SNX30: variants seen among roughly 807,000 people sequenced by gnomAD.
The protein encoded by SNX30 is sorting nexin-30.
Under a neutral mutation model 46.4 loss-of-function variants are expected in SNX30, and 24 were observed. The observed-to-expected ratio is 0.52, with a 90% CI of 0.37 to 0.73. The LOEUF (loss-of-function observed/expected upper bound fraction) is 0.73, where lower values mean the gene tolerates loss of function less well. Ranked by LOEUF, SNX30 falls within the 30% of genes least tolerant of loss-of-function variation. The pLI, the probability that SNX30 is intolerant of heterozygous loss-of-function variation, is 0.00. For missense variants in SNX30, 533 were observed against 555.7 expected (o/e 0.96, Z 0.41); for synonymous variants, 189 against 211.5 (o/e 0.89, Z 0.92).
chr9:112,782,194 G>A (rs1177715400), intron 1 of SNX30, among the ~76,000 whole-genome samples: 1 of 151,984 alleles, frequency 6.6e-6, no homozygotes, highest in Non-Finnish European at 1.5e-5. Flanking sequence ...AGCCTCCCGA[G>A]TAGCTGGAGT....
chr9:112,858,095 T>C (rs11794827), intron 7 of SNX30, among the ~76,000 whole-genome samples: 4,802 of 152,308 alleles, frequency 0.032, 104 homozygotes, highest in East Asian at 0.088. Flanking sequence ...TCTGGTGATA[T>C]TTTTCCTTGG....
intron 1 of SNX30, among the ~76,000 whole-genome samples, chr9:112,794,043 A>AT (rs1840068434): frequency 6.6e-6 from 1 of 152,104 alleles, no homozygotes; most frequent in South Asian, 2.1e-4. Flanking sequence ...TGAACAGAAC[A>AT]TTTTTGAGAT....
At chr9:112,814,730 A>G (rs930359779) in intron 2 of SNX30, among the ~76,000 whole-genome samples, 10 of 152,236 alleles carry the variant, frequency 6.6e-5, no homozygotes, top group Admixed American at 6.5e-4. Context: ...CGTGGTAAGA[A>G]TATAAATTGC....
At chr9:112,856,324 T>G (rs1588140159) in intron 7 of SNX30, among the ~76,000 whole-genome samples, 1 of 98,136 alleles carries the variant, frequency 1.0e-5, no homozygotes, top group Non-Finnish European at 2.2e-5. Flanking sequence ...GCCTGTGGTG[T>G]GTGTGGGGGG....
intron 1 of SNX30, among the ~76,000 whole-genome samples, chr9:112,804,008 G>A (rs1356240799): frequency 2.9e-5 from 4 of 137,980 alleles, no homozygotes; most frequent in Admixed American, 1.5e-4. Flanking sequence ...CGCACGGTGC[G>A]CACACACACT....
intron 1 of SNX30, among the ~76,000 whole-genome samples, chr9:112,794,552 A>C (rs1043313841): frequency 1.3e-5 from 2 of 152,162 alleles, no homozygotes; most frequent in African/African-American, 4.8e-5. Flanking sequence ...TTTTACCCTT[A>C]ACGTAAAGAT....
At chr9:112,798,103 G>GTTTTTTTTTTTTTT (rs1840140099) in intron 1 of SNX30, among the ~76,000 whole-genome samples, 1 of 122,634 alleles carries the variant, frequency 8.2e-6, no homozygotes, top group Admixed American at 8.7e-5. Context: ...CCTTGTTGAG[G>GTTTTTTTTTTTTTT]TTTGTTTTTT....
At chr9:112,851,848 C>G (rs1477461326) in intron 7 of SNX30, among the ~76,000 whole-genome samples, 3 of 152,196 alleles carry the variant, frequency 2.0e-5, no homozygotes, top group Non-Finnish European at 4.4e-5. Context: ...GCTGTGTCTT[C>G]TGCTCCTGGG....
intron 1 of SNX30, among the ~76,000 whole-genome samples, chr9:112,769,824 C>G (rs1564262599): frequency 6.6e-6 from 1 of 152,118 alleles, no homozygotes; most frequent in Non-Finnish European, 1.5e-5. Flanking sequence ...GATGTTTAAC[C>G]CTGCATCTCC....
At chr9:112,835,142 C>T (rs1395902185) in intron 4 of SNX30, among the ~76,000 whole-genome samples, 1 of 152,172 alleles carries the variant, frequency 6.6e-6, no homozygotes, top group East Asian at 1.9e-4. Context: ...TAGTTATACC[C>T]TTCTAGGTCT....
rs765068479 is a variant in SNX30, at chr9:112,759,913, G to A, written c.156+8756G>A. ...GTTGATAGGAAGACCCAGCGAGTTC[G>A]TAGAGTAGTGGGTGATGTATATAGC... is the stretch of plus-strand genomic sequence containing the variant. On this transcript the variant is annotated intron_variant, in intron 1 of 8. Coordinates refer to ENST00000374232, the MANE Select transcript of SNX30 (RefSeq NM_001012994.2). Among the ~76,000 whole-genome samples the A allele has an allele frequency of 5.9e-5, 9 of 152,154 alleles. No homozygotes were observed. The South Asian group carries it at 8.3e-4, about 14-fold the overall frequency.
rs1480719046 is a variant in SNX30 at position 112,871,248 on chromosome 9, A to G, written c.*2405A>G. 6.6e-6 allele frequency: 1 copy of G among 152,214 alleles called. No homozygotes were observed. Among genetic ancestry groups the G allele is most frequent in the Non-Finnish European group, 1.5e-5 (1 of 68,042 alleles). 9.4% of individuals were successfully genotyped at this position (152,214 alleles called of 1,614,324 possible). On this transcript the variant is annotated 3_prime_UTR_variant, in exon 9 of 9. Coordinates refer to ENST00000374232, the MANE Select transcript of SNX30 (RefSeq NM_001012994.2). ...AGCCAGGAAGTCCAGTGTACATTAC[A>G]GATTTTCTGGGAGAAATAGTCCTTC...
intron 3 of SNX30, among the ~76,000 whole-genome samples, chr9:112,826,868 T>G (rs1420278261): frequency 1.3e-5 from 2 of 152,204 alleles, no homozygotes; most frequent in Admixed American, 1.3e-4. Flanking sequence ...AGATAACTTC[T>G]CAGTGCTTTG....
At chr9:112,750,752 T>C (rs1439088288), upstream of SNX30, 1 of 151,816 alleles carries the variant, frequency 6.6e-6, no homozygotes, top group Non-Finnish European at 1.4e-5. Flanking sequence ...CTGTGTGGGC[T>C]GGGCGCCGCG....
intron 5 of SNX30, among the ~76,000 whole-genome samples, chr9:112,837,548 T>A (rs2131457914): frequency 6.6e-6 from 1 of 152,200 alleles, no homozygotes; most frequent in Admixed American, 6.5e-5. Flanking sequence ...CCATCTCGGC[T>A]CACTGCAAGC....
rs1841430989 is a variant in SNX30, at chr9:112,870,637, A to G, written c.*1794A>G. ...TGATGCGGACAGGTAAGAACAACCC[A>G]TGTACCCCCGAGTGATTGCATGCTT... On this transcript the variant is annotated 3_prime_UTR_variant, in exon 9 of 9. Coordinates refer to ENST00000374232, the MANE Select transcript of SNX30 (RefSeq NM_001012994.2). 6.6e-6 allele frequency: 1 copy of G among 152,244 alleles called. No individual in the cohort carries two copies. Among genetic ancestry groups the G allele is most frequent in the Non-Finnish European group, 1.5e-5 (1 of 68,050 alleles). The allele number at this position is 152,244 out of a possible 1,614,324, so 9.4% of individuals were successfully genotyped here.
At chr9:112,883,398 G>C (rs1347207310), downstream of SNX30, among the ~76,000 whole-genome samples, 1 of 152,096 alleles carries the variant, frequency 6.6e-6, no homozygotes, top group Non-Finnish European at 1.5e-5. Context: ...TTCAAATCCT[G>C]TCTCTGCCAC....
In SNX30 at chr9:112,754,188, G is replaced by A. The variant is rs116164733; in HGVS notation, c.156+3031G>A. ...GGGCCCAAGATGGTGCGATGAACAGGGTAGCCTGGTGTCTTGGTCCAGCTG... is the reference window on the plus strand; with the variant it reads ...GGGCCCAAGATGGTGCGATGAACAGAGTAGCCTGGTGTCTTGGTCCAGCTG... On this transcript the variant is annotated intron_variant, in intron 1 of 8. Transcript: ENST00000374232. 1.1e-3 allele frequency among the ~76,000 whole-genome samples: 171 copies of A among 152,260 alleles called. 1 individual carries two copies. Among genetic ancestry groups the A allele is most frequent in the African/African-American group, 4.1e-3 (169 of 41,542 alleles).
chr9:112,770,727 G>A (rs1244073125), intron 1 of SNX30, among the ~76,000 whole-genome samples: 3 of 152,038 alleles, frequency 2.0e-5, no homozygotes, highest in Non-Finnish European at 4.4e-5. Context: ...GCCGGGCGCG[G>A]TGGCTCACGC....
Sources: allele counts gnomAD v4.1 joint callset (sites outside exome capture counted in the v4.1 genomes callset), GRCh38; gene constraint gnomAD v4.1.1; transcripts MANE v1.5; gene names NCBI Gene and HGNC (gene_info 2026-07-23, HGNC 2026-07-21).